The following RGS7BP variants were observed in gnomAD, a reference collection of about 807,000 sequenced individuals.
RGS7BP encodes the protein regulator of G protein signaling 7 binding protein.
RGS7BP carries 9 observed loss-of-function variants against 31.3 expected under a neutral mutation model. That is an observed-to-expected ratio of 0.29 (90% CI 0.17 to 0.50). The LOEUF (loss-of-function observed/expected upper bound fraction) is 0.50. Ranked by LOEUF, RGS7BP falls within the 20% of genes least tolerant of loss-of-function variation. The probability of loss-of-function intolerance (pLI) is 0.98; values close to 1 mark genes in which losing one functional copy is unlikely to be tolerated. For synonymous variants in RGS7BP, 115 were observed against 120.1 expected (o/e 0.96, Z 0.28); for missense variants, 274 against 322.0 (o/e 0.85, Z 1.14).
At position 64,610,352 on chromosome 5, in the gene RGS7BP, T is replaced by A. The variant is rs1425639199; in HGVS notation, c.*1100T>A. On this transcript the variant is annotated 3_prime_UTR_variant, in exon 6 of 6. Coordinates refer to ENST00000334025, the MANE Select transcript of RGS7BP (RefSeq NM_001029875.3). Reference sequence around the variant, plus strand: ...CATGCTTTGTTTTTCTGCTCACAGCTTTGTTGTGATCTTCCTTCACTAAAC... The same window carrying A: ...CATGCTTTGTTTTTCTGCTCACAGCATTGTTGTGATCTTCCTTCACTAAAC... 1 of 152,302 alleles carries A rather than the reference T, an allele frequency of 6.6e-6. No homozygotes were observed. Among genetic ancestry groups the A allele is most frequent in the Non-Finnish European group, 1.5e-5 (1 of 67,938 alleles). 9.4% of individuals were successfully genotyped at this position (152,302 alleles called of 1,614,324 possible). A position where few individuals can be genotyped will look rare whatever the true frequency, so the allele number is the denominator to read the frequency against.
chr5:64,559,659 T>C (rs755499953), intron 2 of RGS7BP, among the ~76,000 whole-genome samples: 32 of 151,982 alleles, frequency 2.1e-4, no homozygotes, highest in Non-Finnish European at 4.3e-4. Flanking sequence ...AGGAGGACTA[T>C]AAGAAAATTA....
chr5:64,575,996 T>A, intron 3 of RGS7BP, 92 bp downstream of exon 3: 7 of 1,080,178 alleles, frequency 6.5e-6, no homozygotes, highest in Non-Finnish European at 6.6e-6. Flanking sequence ...ATCATATGCC[T>A]ATCTATATGC....
At chr5:64,587,386 C>T (rs536170687) in intron 3 of RGS7BP, among the ~76,000 whole-genome samples, 1 of 152,204 alleles carries the variant, frequency 6.6e-6, no homozygotes, top group South Asian at 2.1e-4. Flanking sequence ...AGATAAGAAA[C>T]TCAAGAAGAA....
At chr5:64,587,052 G>C (rs919815277) in intron 3 of RGS7BP, among the ~76,000 whole-genome samples, 4 of 152,098 alleles carry the variant, frequency 2.6e-5, no homozygotes, top group Non-Finnish European at 5.9e-5. Context: ...GGGCAGTGTT[G>C]CTCTTTCCAT....
At chr5:64,597,450 G>C (rs1743102124) in intron 4 of RGS7BP, among the ~76,000 whole-genome samples, 1 of 151,820 alleles carries the variant, frequency 6.6e-6, no homozygotes, top group Admixed American at 6.6e-5. Flanking sequence ...GCCCCTTTCT[G>C]TTTCATCCAT....
At chr5:64,563,884 C>T (rs1172117897) in intron 2 of RGS7BP, among the ~76,000 whole-genome samples, 1 of 152,154 alleles carries the variant, frequency 6.6e-6, no homozygotes, top group African/African-American at 2.4e-5. Context: ...TAGGGCTTCA[C>T]AGCCTGTGTC....
intron 2 of RGS7BP, among the ~76,000 whole-genome samples, chr5:64,510,398 C>T (rs757206878): frequency 3.3e-5 from 5 of 152,166 alleles, no homozygotes; most frequent in Non-Finnish European, 7.3e-5. Context: ...AAAATATAAA[C>T]TAACCTTAAA....
At position 64,506,482 on chromosome 5, in the gene RGS7BP, C is replaced by T; in HGVS notation, c.-143C>T. On this transcript the variant is annotated 5_prime_UTR_variant, in exon 1 of 6. Coordinates refer to ENST00000334025, the MANE Select transcript of RGS7BP (RefSeq NM_001029875.3). The surrounding 1 kb of genome is among the most constrained non-coding windows in gnomAD (Gnocchi z 4.6). The stretch of plus-strand genomic sequence containing the variant: ...TCTCCTTCAAGCTGAAGGTTACCGA[C>T]CCGCGCAGCCAGCCCCAGCACTGTG... 5.2e-6 allele frequency: 3 copies of T among 580,230 alleles called. No homozygotes were observed. Among genetic ancestry groups the T allele is most frequent in the Non-Finnish European group, 8.7e-6 (3 of 346,296 alleles). 35.9% of individuals were successfully genotyped at this position (580,230 alleles called of 1,614,324 possible).
At chr5:64,542,676 G>T (rs1430350279) in intron 2 of RGS7BP, among the ~76,000 whole-genome samples, 2 of 152,134 alleles carry the variant, frequency 1.3e-5, no homozygotes, top group East Asian at 3.9e-4. Flanking sequence ...TTAACCCTTT[G>T]TGTTCCATGT....
chr5:64,589,734 T>G (rs1443097204), intron 3 of RGS7BP, among the ~76,000 whole-genome samples: 1 of 152,020 alleles, frequency 6.6e-6, no homozygotes, highest in Non-Finnish European at 1.5e-5. Flanking sequence ...AGGATCAGTT[T>G]GAGCAACACA....
chr5:64,527,252 G>T (rs966766806), intron 2 of RGS7BP, among the ~76,000 whole-genome samples: 3 of 152,210 alleles, frequency 2.0e-5, no homozygotes, highest in Admixed American at 6.5e-5. Flanking sequence ...GAGCAGTGTG[G>T]CTCCTAATCC....
intron 2 of RGS7BP, among the ~76,000 whole-genome samples, chr5:64,538,381 C>T (rs976873295): frequency 2.6e-5 from 4 of 151,872 alleles, no homozygotes; most frequent in African/African-American, 4.8e-5. Context: ...TTCATAGCCC[C>T]GGCAAACTCT....
At chr5:64,543,082 T>C (rs759144902) in intron 2 of RGS7BP, among the ~76,000 whole-genome samples, 1 of 152,200 alleles carries the variant, frequency 6.6e-6, no homozygotes, top group Middle Eastern at 3.2e-3. Flanking sequence ...AGAGTATATA[T>C]GATATATACA....
intron 2 of RGS7BP, among the ~76,000 whole-genome samples, chr5:64,531,179 G>A (rs1749361192): frequency 6.6e-6 from 1 of 152,086 alleles, no homozygotes; most frequent in South Asian, 2.1e-4. Flanking sequence ...TCAATAATGG[G>A]GAGTCCCTCA....
intron 2 of RGS7BP, among the ~76,000 whole-genome samples, chr5:64,548,721 G>C (rs562332798): frequency 1.3e-3 from 200 of 152,118 alleles, no homozygotes; most frequent in Non-Finnish European, 2.5e-3. Flanking sequence ...TGGCCAGGCT[G>C]GTCTCGAACT....
intron 3 of RGS7BP, among the ~76,000 whole-genome samples, chr5:64,577,728 G>T (rs1245622302): frequency 6.6e-6 from 1 of 152,066 alleles, no homozygotes; most frequent in African/African-American, 2.4e-5. Context: ...TTCTCTCTCT[G>T]TCTCTCTCTG....
intron 2 of RGS7BP, among the ~76,000 whole-genome samples, chr5:64,541,329 C>G (rs148757206): frequency 3.5e-4 from 53 of 152,330 alleles, no homozygotes; most frequent in Non-Finnish European, 6.5e-4. Context: ...GGGATCCATT[C>G]CTATGATCCA....
chr5:64,512,656 G>T (rs1748870198), intron 2 of RGS7BP, among the ~76,000 whole-genome samples: 1 of 152,112 alleles, frequency 6.6e-6, no homozygotes, highest in African/African-American at 2.4e-5. Flanking sequence ...AATTCAGATT[G>T]CCGAGATACA....
intron 3 of RGS7BP, among the ~76,000 whole-genome samples, chr5:64,590,009 AT>A (rs1742868358): frequency 6.6e-6 from 1 of 151,880 alleles, no homozygotes; most frequent in African/African-American, 2.4e-5. Flanking sequence ...ATGATAAAGT[AT>A]TTTATTGAAA....
Sources: gnomAD v4.1 joint callset for allele counts (sites outside exome capture counted in the v4.1 genomes callset) on GRCh38, gnomAD v4.1.1 for gene constraint, Gnocchi (gnomAD v3.1) non-coding constraint, MANE v1.5 for transcripts, NCBI Gene and HGNC (gene_info 2026-07-23, HGNC 2026-07-21) for gene names.